The following SCUBE1 variants were observed in gnomAD, a reference collection of about 807,000 sequenced individuals.
SCUBE1 encodes the protein signal peptide, CUB and EGF-like domain-containing protein 1.
In SCUBE1, 59 loss-of-function variants were observed where a neutral mutation model predicts 124.4. The observed-to-expected ratio is 0.47, with a 90% CI of 0.38 to 0.59. SCUBE1 has a LOEUF of 0.59. SCUBE1 is among the 20% of genes least tolerant of loss of function. SCUBE1 has a pLI of 0.00. For missense variants in SCUBE1, 1,150 were observed against 1,371.2 expected, an observed-to-expected ratio of 0.84 and a Z score of 2.55; for synonymous variants, 545 against 550.9, an observed-to-expected ratio of 0.99 and a Z score of 0.15.
At chr22:43,242,269 C>T (rs544652738) in intron 6 of SCUBE1, among the ~76,000 whole-genome samples, 8 of 152,312 alleles carry the variant, frequency 5.3e-5, no homozygotes, top group African/African-American at 1.9e-4. Flanking sequence ...CCAGCCTGGC[C>T]ATCGCTCCAG....
intron 6 of SCUBE1, among the ~76,000 whole-genome samples, chr22:43,241,159 C>T (rs1282469634): frequency 4.6e-5 from 7 of 152,166 alleles, no homozygotes; most frequent in East Asian, 1.9e-4. Context: ...AAAGGTCACC[C>T]GCTCTCTGGA....
intron 3 of SCUBE1, among the ~76,000 whole-genome samples, 159 bp downstream of exon 3, chr22:43,319,778 T>TA (rs1406790819): frequency 6.6e-6 from 1 of 152,076 alleles, no homozygotes; most frequent in Non-Finnish European, 1.5e-5. Flanking sequence ...TTCTGTTGTC[T>TA]AAGCCACCCA....
At chr22:43,217,274 G>T (rs1359215000) in intron 15 of SCUBE1, among the ~76,000 whole-genome samples, 1 of 151,710 alleles carries the variant, frequency 6.6e-6, no homozygotes, top group Non-Finnish European at 1.5e-5. Context: ...TCTCCATGTG[G>T]ATGACTTGTG....
chr22:43,208,321 A>G, intron 19 of SCUBE1, 97 bp from the exon 20 acceptor site: 2 of 1,147,846 alleles, frequency 1.7e-6, no homozygotes, highest in Non-Finnish European at 2.6e-6. Context: ...CAGCACCTGC[A>G]CCGAACGCCT....
At chr22:43,248,480 G>C (rs1234159885) in intron 6 of SCUBE1, among the ~76,000 whole-genome samples, 1 of 152,242 alleles carries the variant, frequency 6.6e-6, no homozygotes, top group African/African-American at 2.4e-5. Flanking sequence ...ACAAGCCCCA[G>C]CTGTGAGTGT....
intron 15 of SCUBE1, among the ~76,000 whole-genome samples, chr22:43,217,071 G>A (rs574765190): frequency 5.8e-4 from 16 of 27,624 alleles, no homozygotes; most frequent in African/African-American, 1.0e-3. Flanking sequence ...TCCCCACCCT[G>A]CCAGGTGTCA....
chr22:43,230,688 G>C (rs1476174678), intron 8 of SCUBE1, among the ~76,000 whole-genome samples: 1 of 152,216 alleles, frequency 6.6e-6, no homozygotes, highest in African/African-American at 2.4e-5. Context: ...GAGAAGACAG[G>C]GCCAGGATGC....
At chr22:43,322,023 C>T (rs1926572139) in intron 2 of SCUBE1, among the ~76,000 whole-genome samples, 1 of 152,076 alleles carries the variant, frequency 6.6e-6, no homozygotes, top group African/African-American at 2.4e-5. Flanking sequence ...CTCCCTCTGT[C>T]GCCCAGGCTG....
chr22:43,325,193 C>T (rs551032957), intron 2 of SCUBE1, among the ~76,000 whole-genome samples: 2 of 151,954 alleles, frequency 1.3e-5, no homozygotes, highest in South Asian at 4.2e-4. Flanking sequence ...TCTTCAGGCC[C>T]CCAGCCAGTG....
chr22:43,291,633 C>T (rs1158816695), intron 3 of SCUBE1, among the ~76,000 whole-genome samples: 1 of 152,052 alleles, frequency 6.6e-6, no homozygotes, highest in Non-Finnish European at 1.5e-5. Flanking sequence ...GCATGGTGGG[C>T]CTCCATCGTG....
intron 2 of SCUBE1, among the ~76,000 whole-genome samples, chr22:43,322,145 G>T (rs113129700): frequency 0.046 from 6,997 of 152,046 alleles, 226 homozygotes; most frequent in Middle Eastern, 0.099. Flanking sequence ...CACCATGCCC[G>T]GCTAATTTTT....
At chr22:43,310,503 TG>T (rs1410201698) in intron 3 of SCUBE1, among the ~76,000 whole-genome samples, 2 of 152,218 alleles carry the variant, frequency 1.3e-5, no homozygotes, top group African/African-American at 4.8e-5. Context: ...CACCACCAGC[TG>T]TGAGCAAAGA....
rs1046067415 is a variant in SCUBE1 at position 43,203,835 on chromosome 22, C to T, written c.*162G>A. ...GGTGCTCCCACAGGGGCAGCGGGTC[C>T]GAAGGGTGCCTGGGCTCGGTCTCCA... On this transcript the variant is annotated 3_prime_UTR_variant, in exon 22 of 22. Transcript: ENST00000360835. 7.2e-6 allele frequency: 5 copies of T among 699,206 alleles called. No individual in the cohort carries two copies. Among genetic ancestry groups the T allele is most frequent in the Admixed American group, 3.0e-5 (1 of 33,698 alleles). The allele number at this position is 699,206 out of a possible 1,614,324, so 43.3% of individuals were successfully genotyped here.
intron 3 of SCUBE1, among the ~76,000 whole-genome samples, chr22:43,319,104 T>C (rs78296497): frequency 0.024 from 3,688 of 152,290 alleles, 153 homozygotes; most frequent in African/African-American, 0.085. Context: ...GGCCAAATTG[T>C]GTCACTTCAA....
intron 2 of SCUBE1, among the ~76,000 whole-genome samples, chr22:43,324,516 G>C (rs1212351268): frequency 6.6e-6 from 1 of 152,150 alleles, no homozygotes; most frequent in Non-Finnish European, 1.5e-5. Flanking sequence ...AACCTTCCCT[G>C]ATTTTCCATG....
chr22:43,283,758 G>A (rs1395536122), intron 4 of SCUBE1: 2 of 152,224 alleles, frequency 1.3e-5, no homozygotes, highest in Non-Finnish European at 2.9e-5. Flanking sequence ...AAGGGCATCT[G>A]AGACCACTCT....
Position 43,227,349 on chromosome 22 carries a change from C to G in SCUBE1, c.1207+25G>C, listed in dbSNP as rs1922359654. On this transcript the variant is annotated intron_variant, in intron 10 of 21. Coordinates refer to ENST00000360835, the MANE Select transcript of SCUBE1 (RefSeq NM_173050.5). The stretch of plus-strand genomic sequence containing the variant: ...TCCAAGCCCAGGTGCAGGGGAGGGG[C>G]CAGCAGCACAGGGCGGCCACCTACC... The G allele has an allele frequency of 1.9e-6, 3 of 1,599,858 alleles. No individual in the cohort carries two copies. The African/African-American group carries it at 4.0e-5, about 21-fold the overall frequency.
rs1164725261 is a variant in SCUBE1, at chr22:43,197,383, A to G, written c.*6614T>C. ...AAAACAAAACTGAATATTTGTGGCAACTAAAAGGAAGATGTGGTTATGTTG... is the reference window on the plus strand; with the variant it reads ...AAAACAAAACTGAATATTTGTGGCAGCTAAAAGGAAGATGTGGTTATGTTG... On this transcript the variant is annotated 3_prime_UTR_variant, in exon 22 of 22. Coordinates refer to ENST00000360835, the MANE Select transcript of SCUBE1 (RefSeq NM_173050.5). 1 of 152,256 alleles carries G rather than the reference A, an allele frequency of 6.6e-6. No individual in the cohort carries two copies. Among genetic ancestry groups the G allele is most frequent in the Non-Finnish European group, 1.5e-5 (1 of 68,042 alleles). 9.4% of individuals were successfully genotyped at this position (152,256 alleles called of 1,614,324 possible). A position where few individuals can be genotyped will look rare whatever the true frequency, so the allele number is the denominator to read the frequency against.
rs1247363268 is a variant in SCUBE1 at position 43,281,413 on chromosome 22, AGCCATCCTCCTGTCACCTCCCTTG to A, written c.484+9609_484+9632del. On this transcript the variant is annotated intron_variant, in intron 4 of 21. Transcript: ENST00000360835. ...CCTCAGCTATCCTGTCACCTCCCTC[AGCCATCCTCCTGTCACCTCCCTTG>A]GCCACCCTCCTGTCATCTCCCTCAG... Among the ~76,000 whole-genome samples the A allele has an allele frequency of 8.5e-3, 509 of 59,954 alleles. 26 individuals are homozygous for A. Among genetic ancestry groups the A allele is most frequent in the African/African-American group, 0.062 (395 of 6,338 alleles). 39.3% of individuals were successfully genotyped at this position (59,954 alleles called of 152,430 possible).
Sources: gnomAD v4.1 joint callset for allele counts (sites outside exome capture counted in the v4.1 genomes callset) on GRCh38, gnomAD v4.1.1 for gene constraint, MANE v1.5 for transcripts, NCBI Gene and HGNC (gene_info 2026-07-23, HGNC 2026-07-21) for gene names.